GALNT13: variants seen among roughly 807,000 people sequenced by gnomAD.
GALNT13 encodes UDP-GalNAc:polypeptide N-acetylgalactosaminyltransferase 13.
GALNT13 carries 28 observed loss-of-function variants against 64.2 expected under a neutral mutation model. That is an observed-to-expected ratio of 0.44 (90% confidence interval 0.32 to 0.60). The LOEUF (loss-of-function observed/expected upper bound fraction) is 0.60, where lower values mean the gene tolerates loss of function less well. GALNT13 is among the 20% of genes least tolerant of loss of function. The pLI, the probability that GALNT13 is intolerant of heterozygous loss-of-function variation, is 0.05. For synonymous variants in GALNT13, 214 were observed against 224.6 expected (o/e 0.95, Z 0.42); for missense variants, 577 against 669.8 (o/e 0.86, Z 1.53).
At chr2:153,514,953 T>C in the GALNT13 span, among the ~76,000 whole-genome samples, 1 of 152,094 alleles carries the variant, frequency 6.6e-6, no homozygotes, top group Non-Finnish European at 1.5e-5. Flanking sequence ...GTTTCCTCTG[T>C]CCTTCTCCAG....
chr2:153,911,307 T>C (rs1256845870), intron 2 of GALNT13, among the ~76,000 whole-genome samples: 1 of 152,170 alleles, frequency 6.6e-6, no homozygotes, highest in Non-Finnish European at 1.5e-5. Context: ...AGTGTCATTG[T>C]ATGTGTGATA....
At chr2:154,221,962 T>G (rs1688349948) in intron 4 of GALNT13, among the ~76,000 whole-genome samples, 1 of 152,130 alleles carries the variant, frequency 6.6e-6, no homozygotes, top group Non-Finnish European at 1.5e-5. Flanking sequence ...CAAAATAGTT[T>G]TCATTTCTTT....
intron 3 of GALNT13, among the ~76,000 whole-genome samples, chr2:153,971,176 T>C (rs2105126593): frequency 6.6e-6 from 1 of 152,306 alleles, no homozygotes. Flanking sequence ...CTTAATTTTC[T>C]ACCTCACCTT....
chr2:153,070,740 G>A, the GALNT13 span, among the ~76,000 whole-genome samples: 2 of 152,120 alleles, frequency 1.3e-5, no homozygotes, highest in Non-Finnish European at 2.9e-5. Context: ...AACAGGCTTT[G>A]TATTCTTTGG....
the GALNT13 span, among the ~76,000 whole-genome samples, chr2:153,859,674 C>T: frequency 6.6e-6 from 1 of 152,088 alleles, no homozygotes; most frequent in Admixed American, 6.5e-5. Flanking sequence ...TGTATTCACC[C>T]TGAACCACAC....
intron 3 of GALNT13, among the ~76,000 whole-genome samples, chr2:154,001,770 A>T (rs1187789972): frequency 6.6e-6 from 1 of 151,962 alleles, no homozygotes; most frequent in Admixed American, 6.6e-5. Context: ...ATACTTTCAG[A>T]TGTTGTTTTG....
intron 9 of GALNT13, among the ~76,000 whole-genome samples, chr2:154,342,174 G>A (rs1356013714): frequency 1.3e-5 from 2 of 151,900 alleles, no homozygotes; most frequent in African/African-American, 4.8e-5. Flanking sequence ...TATAAATTTG[G>A]GATCCATCAA....
the GALNT13 span, among the ~76,000 whole-genome samples, chr2:153,302,610 T>C: frequency 6.6e-6 from 1 of 152,154 alleles, no homozygotes; most frequent in African/African-American, 2.4e-5. Context: ...TTTAAGTTCA[T>C]ATGCAGAAAA....
chr2:153,671,002 A>C, the GALNT13 span, among the ~76,000 whole-genome samples: 1 of 152,192 alleles, frequency 6.6e-6, no homozygotes, highest in Non-Finnish European at 1.5e-5. Context: ...AAGAATAGAG[A>C]AAAAAGTGAA....
At chr2:153,362,553 C>CAAAAA in the GALNT13 span, among the ~76,000 whole-genome samples, 3,980 of 79,914 alleles carry the variant, frequency 0.05, 276 homozygotes, top group Non-Finnish European at 0.061. Context: ...AAATGGAGAG[C>CAAAAA]AAAAAAAAAA....
At chr2:154,046,030 G>A (rs1699264892) in intron 3 of GALNT13, among the ~76,000 whole-genome samples, 1 of 151,924 alleles carries the variant, frequency 6.6e-6, no homozygotes, top group Admixed American at 6.6e-5. Context: ...ACCCTGAGCT[G>A]GATGTCGTGG....
At chr2:154,232,364 AT>A (rs1688962435) in intron 4 of GALNT13, among the ~76,000 whole-genome samples, 1 of 151,938 alleles carries the variant, frequency 6.6e-6, no homozygotes, top group Admixed American at 6.6e-5. Flanking sequence ...ATTTGTTCCC[AT>A]TTATTCCCAG....
the GALNT13 span, among the ~76,000 whole-genome samples, chr2:153,193,698 T>G: frequency 6.6e-6 from 1 of 152,224 alleles, no homozygotes; most frequent in East Asian, 1.9e-4. Flanking sequence ...TTTGCGTGTT[T>G]TACATTTGCA....
the GALNT13 span, among the ~76,000 whole-genome samples, chr2:153,209,383 T>G: frequency 2.6e-5 from 4 of 152,190 alleles, no homozygotes; most frequent in Admixed American, 2.0e-4. Flanking sequence ...TCACTTAATT[T>G]GCATGTTGAT....
the GALNT13 span, among the ~76,000 whole-genome samples, chr2:153,313,345 C>T: frequency 6.6e-6 from 1 of 152,126 alleles, no homozygotes; most frequent in Admixed American, 6.5e-5. Flanking sequence ...AGTACATATA[C>T]ACCATGAAAT....
chr2:153,486,909 C>T, the GALNT13 span, among the ~76,000 whole-genome samples: 33 of 152,176 alleles, frequency 2.2e-4, no homozygotes, highest in Admixed American at 2.2e-3. Context: ...ACCCTCCCAT[C>T]CTAAGAAACA....
chr2:153,289,573 G>C, the GALNT13 span, among the ~76,000 whole-genome samples: 1 of 152,106 alleles, frequency 6.6e-6, no homozygotes, highest in Admixed American at 6.5e-5. Context: ...GGATTTTTGT[G>C]TATCAGTCCA....
At chr2:153,094,237 A>AT in the GALNT13 span, among the ~76,000 whole-genome samples, 16 of 150,896 alleles carry the variant, frequency 1.1e-4, no homozygotes, top group African/African-American at 3.9e-4. Flanking sequence ...TGGATTATTT[A>AT]TTTTTTGATG....
chr2:154,301,390 T>C lies in GALNT13; in HGVS notation c.976-19T>C. 1 of 1,599,200 alleles carries C rather than the reference T, an allele frequency of 6.3e-7. No individual in the cohort carries two copies. The highest frequency in any genetic ancestry group is 8.6e-7 in the Non-Finnish European group (1 of 1,168,200). On this transcript the variant is annotated intron_variant, in intron 8 of 12. Transcript: ENST00000392825. ...TACAATATTATTGCATTATTTACAA[T>C]GATTGTTCCTTTTCCCAGATTTGGC...
Sources: gnomAD v4.1 joint callset for allele counts (sites outside exome capture counted in the v4.1 genomes callset) on GRCh38, gnomAD v4.1.1 for gene constraint, MANE v1.5 for transcripts, NCBI Gene and HGNC (gene_info 2026-07-23, HGNC 2026-07-21) for gene names.